NFAT5: variants seen among roughly 807,000 people sequenced by gnomAD.
NFAT5 encodes the protein nuclear factor of activated T-cells 5.
A neutral mutation model predicts 166.5 loss-of-function variants in NFAT5; 31 were observed. The ratio of observed to expected loss-of-function variants is 0.19; its 90% CI spans 0.14 to 0.25. NFAT5 has a LOEUF of 0.25. NFAT5 is among the 10% of genes least tolerant of loss of function. The pLI is 1.00. For missense variants in NFAT5, 1,449 were observed against 1,821.8 expected, an observed-to-expected ratio of 0.80 and a Z score of 3.72; for synonymous variants, 612 against 639.7, an observed-to-expected ratio of 0.96 and a Z score of 0.65.
intron 2 of NFAT5, among the ~76,000 whole-genome samples, chr16:69,581,774 C>G (rs1416562431): frequency 6.6e-6 from 1 of 152,056 alleles, no homozygotes. Flanking sequence ...CTTTTGTGAA[C>G]TTTTTATGAT....
chr16:69,671,949 A>G (rs536454566), intron 9 of NFAT5, among the ~76,000 whole-genome samples: 3 of 152,308 alleles, frequency 2.0e-5, no homozygotes, highest in African/African-American at 7.2e-5. Context: ...GTTAGAATTG[A>G]TATGGTGTGT....
At chr16:69,616,856 G>A (rs1312482322) in intron 2 of NFAT5, among the ~76,000 whole-genome samples, 1 of 150,844 alleles carries the variant, frequency 6.6e-6, no homozygotes, top group Non-Finnish European at 1.5e-5. Flanking sequence ...TTCTCTATAG[G>A]TATCCTTCCC....
At chr16:69,682,186 ATTT>A (rs71673029) in intron 10 of NFAT5, among the ~76,000 whole-genome samples, 3 of 146,046 alleles carry the variant, frequency 2.1e-5, no homozygotes, top group Admixed American at 6.8e-5. Flanking sequence ...AAACATTTTA[ATTT>A]TTTTTTTTTT....
intron 11 of NFAT5, among the ~76,000 whole-genome samples, chr16:69,688,215 A>C (rs1306227878): frequency 6.8e-6 from 1 of 147,204 alleles, no homozygotes; most frequent in African/African-American, 2.5e-5. Flanking sequence ...AAAAAAAAAA[A>C]AAAAAAAAAA....
In NFAT5 at chr16:69,691,077, A is replaced by T. The variant is rs753691324; in HGVS notation, c.1912A>T (p.Thr638Ser). ...AGTAACAGCAGAAAAAAGATCTTCC[A>T]CTATTTTTAAGGTAAGCTGTATTGA... ...MEVTAEKRSSTIFKTTKSVGS... is the reference protein window; with the variant it reads ...MEVTAEKRSSSIFKTTKSVGS... Residue 638 changes from threonine to serine, a missense_variant, in exon 12 of 15, where the codon ACT becomes TCT. This residue lies in a region of NFAT5 where 245 missense variants were observed against 366.6 expected (regional missense o/e 0.67). Coordinates refer to ENST00000349945, the MANE Select transcript of NFAT5 (RefSeq NM_138713.4). 4.4e-6 allele frequency: 7 copies of T among 1,597,554 alleles called. No individual in the cohort carries two copies. The highest frequency in any genetic ancestry group is 6.0e-6 in the Non-Finnish European group (7 of 1,173,682).
intron 2 of NFAT5, among the ~76,000 whole-genome samples, chr16:69,583,735 T>C (rs566918112): frequency 6.6e-6 from 1 of 152,148 alleles, no homozygotes; most frequent in African/African-American, 2.4e-5. Context: ...CTGGCACAAA[T>C]GCTTTGTATT....
intron 2 of NFAT5, among the ~76,000 whole-genome samples, chr16:69,613,454 T>C (rs2033796750): frequency 6.6e-6 from 1 of 152,206 alleles, no homozygotes; most frequent in African/African-American, 2.4e-5. Flanking sequence ...ACACAAGCCC[T>C]GTCATAATCT....
intron 10 of NFAT5, among the ~76,000 whole-genome samples, chr16:69,682,501 TC>T (rs931105751): frequency 2.8e-4 from 43 of 151,640 alleles, no homozygotes; most frequent in African/African-American, 1.0e-3. Context: ...GCACCTGTAG[TC>T]CCAGCTACTT....
chr16:69,600,724 G>A (rs1460871048), intron 2 of NFAT5, among the ~76,000 whole-genome samples: 1 of 137,974 alleles, frequency 7.2e-6, no homozygotes, highest in African/African-American at 2.7e-5. Flanking sequence ...GAATCATCAT[G>A]AGGAACTGGG....
chr16:69,647,606 A>T lies in NFAT5; in HGVS notation c.812+20A>T, dbSNP rs768049317. The T allele has an allele frequency of 4.6e-6, 7 of 1,530,124 alleles. No individual in the cohort carries two copies. The East Asian group carries it at 1.1e-4, about 25-fold the overall frequency. The allele number at this position is 1,530,124 out of a possible 1,614,324, so 94.8% of individuals were successfully genotyped here. ...AAATGGGTTGGTATTCACATTTTTTAAAATTCTATCATCATTATGCAAAAC... is the reference window on the plus strand; with the variant it reads ...AAATGGGTTGGTATTCACATTTTTTTAAATTCTATCATCATTATGCAAAAC... On this transcript the variant is annotated intron_variant, in intron 4 of 14. Transcript: ENST00000349945. This position sits in a 1 kb window ranked among gnomAD's most constrained non-coding sequence, Gnocchi z 4.8.
At chr16:69,626,360 C>A (rs982872629) in intron 2 of NFAT5, 43 bp from the exon 3 acceptor site, 32 of 1,540,328 alleles carry the variant, frequency 2.1e-5, no homozygotes, top group Non-Finnish European at 2.7e-5. Flanking sequence ...TTGACTGAAT[C>A]TCTTTTAAAA....
intron 5 of NFAT5, 46 bp downstream of exon 5, chr16:69,653,474 GGA>G: frequency 8.3e-7 from 1 of 1,211,066 alleles, no homozygotes; most frequent in Middle Eastern, 2.1e-4. Context: ...AATGTAAAGG[GGA>G]ATGAGAATAT....
chr16:69,681,381 A>G (rs990101306), intron 10 of NFAT5, among the ~76,000 whole-genome samples: 6 of 152,202 alleles, frequency 3.9e-5, no homozygotes, highest in African/African-American at 7.2e-5. Context: ...AATACCTCCT[A>G]TCTTACTTTG....
At chr16:69,638,179 A>G (rs1367486321) in intron 3 of NFAT5, among the ~76,000 whole-genome samples, 1 of 152,158 alleles carries the variant, frequency 6.6e-6, no homozygotes, top group Admixed American at 6.5e-5. Flanking sequence ...AGATCACGCC[A>G]TTGCACTCCA....
chr16:69,611,021 A>G (rs2033683295), intron 2 of NFAT5, among the ~76,000 whole-genome samples: 1 of 152,204 alleles, frequency 6.6e-6, no homozygotes, highest in Non-Finnish European at 1.5e-5. Flanking sequence ...AAATGAACAA[A>G]TGGTGACAAA....
At chr16:69,648,570 T>G (rs2035545816) in intron 4 of NFAT5, 1 of 984,770 alleles carries the variant, frequency 1.0e-6, no homozygotes, top group Non-Finnish European at 1.2e-6. Flanking sequence ...CACTACCCAC[T>G]AATATAGTTC....
At chr16:69,617,894 T>A (rs1243534756) in intron 2 of NFAT5, among the ~76,000 whole-genome samples, 1 of 152,128 alleles carries the variant, frequency 6.6e-6, no homozygotes, top group African/African-American at 2.4e-5. Flanking sequence ...CGGTGGCTCA[T>A]GCCTATAATC....
At chr16:69,577,560 A>G (rs1358947580) in intron 2 of NFAT5, among the ~76,000 whole-genome samples, 3 of 152,214 alleles carry the variant, frequency 2.0e-5, no homozygotes, top group African/African-American at 7.2e-5. Flanking sequence ...CGCACTGTAT[A>G]GACCCATTTA....
chr16:69,568,340 A>ATGTGTGTGTGTGTGTGTG (rs1289905200), intron 1 of NFAT5, among the ~76,000 whole-genome samples, 155 bp from the exon 2 acceptor site: 2 of 38,486 alleles, frequency 5.2e-5, no homozygotes, highest in African/African-American at 1.5e-4. Flanking sequence ...GTGTGTATAT[A>ATGTGTGTGTGTGTGTGTG]TATATATGTG....
Sources: allele counts gnomAD v4.1 joint callset (sites outside exome capture counted in the v4.1 genomes callset), GRCh38; gene constraint gnomAD v4.1.1; regional missense constraint gnomAD v4.1.1; non-coding constraint Gnocchi (gnomAD v3.1); transcripts MANE v1.5; gene names NCBI Gene and HGNC (gene_info 2026-07-23, HGNC 2026-07-21).